The following MDGA2 variants were observed in gnomAD, a reference collection of about 807,000 sequenced individuals.
MDGA2 encodes MAM domain containing glycosylphosphatidylinositol anchor 2.
A neutral mutation model predicts 117.8 loss-of-function variants in MDGA2; 40 were observed. The observed-to-expected ratio is 0.34, with a 90% CI of 0.26 to 0.44. MDGA2 has a LOEUF of 0.44. Ranked by LOEUF, MDGA2 falls within the 20% of genes least tolerant of loss-of-function variation. The probability of loss-of-function intolerance (pLI) is 1.00; values close to 1 mark genes in which losing one functional copy is unlikely to be tolerated. For missense variants in MDGA2, 1,123 were observed against 1,250.6 expected, an observed-to-expected ratio of 0.90 and a Z score of 1.54; for synonymous variants, 452 against 439.0, an observed-to-expected ratio of 1.03 and a Z score of -0.37.
intron 5 of MDGA2, among the ~76,000 whole-genome samples, chr14:47,104,470 T>C (rs1375554836): frequency 1.5e-5 from 2 of 132,506 alleles, no homozygotes; most frequent in African/African-American, 5.8e-5. Context: ...ACTGAGCACC[T>C]TGCGACCCCC....
At position 47,468,247 on chromosome 14, in the gene MDGA2, C is replaced by T. The variant is rs182867819; in HGVS notation, c.281-166697G>A. Among the ~76,000 whole-genome samples the T allele has an allele frequency of 3.9e-5, 6 of 152,112 alleles. No homozygotes were observed. The East Asian group carries it at 7.7e-4, about 20-fold the overall frequency. ...CCAGTTATCTAAGGTCCTGACTATCCGTAATCGTAAAAAATGTCTCAAAGA... is the reference window on the plus strand; with the variant it reads ...CCAGTTATCTAAGGTCCTGACTATCTGTAATCGTAAAAAATGTCTCAAAGA... On this transcript the variant is annotated intron_variant, in intron 1 of 16. Transcript: ENST00000399232.
intron 1 of MDGA2, chr14:47,626,666 C>T (rs12894750): frequency 0.41 from 62,255 of 152,376 alleles, 13,755 homozygotes; most frequent in Middle Eastern, 0.53. Flanking sequence ...CGGCCAGCCC[C>T]GTCGGCCCGG....
chr14:47,219,029 T>C lies in MDGA2; in HGVS notation c.421-834A>G, dbSNP rs147224001. ...GAATAAAAGCCACATACTCATACTGTAAAGTGATACAAAATAGAAAGTAAA... is the reference window on the plus strand; with the variant it reads ...GAATAAAAGCCACATACTCATACTGCAAAGTGATACAAAATAGAAAGTAAA... On this transcript the variant is annotated intron_variant, in intron 2 of 16. Transcript: ENST00000399232. 3.6e-3 allele frequency among the ~76,000 whole-genome samples: 555 copies of C among 152,182 alleles called. 2 individuals are homozygous for C. The highest frequency in any genetic ancestry group is 0.013 in the African/African-American group (534 of 41,566).
intron 1 of MDGA2, among the ~76,000 whole-genome samples, chr14:47,382,490 A>C (rs1208997865): frequency 6.6e-6 from 1 of 152,218 alleles, no homozygotes; most frequent in African/African-American, 2.4e-5. Flanking sequence ...TCTACAAATG[A>C]CTTAAACAAA....
rs565975002 is a variant in MDGA2 at position 47,029,338 on chromosome 14, A to G, written c.1819+5673T>C. Among the ~76,000 whole-genome samples the G allele has an allele frequency of 4.6e-5, 7 of 152,310 alleles. No homozygotes were observed. In the East Asian group the frequency reaches 1.2e-3, roughly 25 times the overall value. On this transcript the variant is annotated intron_variant, in intron 8 of 16. Transcript: ENST00000399232. ...ACAGGTGAGGAACATGGGTTTATCA[A>G]TAGCCCTGATTATTTTCTTTCATAA...
intron 16 of MDGA2, among the ~76,000 whole-genome samples, chr14:46,842,755 G>A (rs1009935493): frequency 4.6e-5 from 7 of 152,226 alleles, no homozygotes; most frequent in Non-Finnish European, 7.4e-5. Context: ...TTGTATCTAG[G>A]GGAGAATTGA....
intron 1 of MDGA2, among the ~76,000 whole-genome samples, chr14:47,312,343 T>C (rs531283351): frequency 6.6e-6 from 1 of 152,226 alleles, no homozygotes; most frequent in African/African-American, 2.4e-5. Context: ...GGGCTGAGCC[T>C]CACACTCTGG....
At chr14:47,183,487 A>T (rs562558991) in intron 3 of MDGA2, among the ~76,000 whole-genome samples, 162 of 152,260 alleles carry the variant, frequency 1.1e-3, no homozygotes, top group South Asian at 4.1e-3. Flanking sequence ...AAGATGGTTC[A>T]TGATCTGCCA....
At chr14:46,882,369 TAAAC>T in intron 10 of MDGA2, 148 bp from the exon 11 acceptor site, 2 of 644,716 alleles carry the variant, frequency 3.1e-6, no homozygotes, top group Non-Finnish European at 4.9e-6. Context: ...TCTATAATGA[TAAAC>T]AAATTTTGAG....
chr14:47,058,018 A>G (rs1889748021), intron 7 of MDGA2, among the ~76,000 whole-genome samples: 1 of 152,144 alleles, frequency 6.6e-6, no homozygotes, highest in Admixed American at 6.6e-5. Flanking sequence ...TTCAATTTTA[A>G]AAGTCATCAA....
intron 8 of MDGA2, among the ~76,000 whole-genome samples, chr14:46,996,047 G>A (rs1887279114): frequency 6.6e-6 from 1 of 152,042 alleles, no homozygotes; most frequent in Non-Finnish European, 1.5e-5. Flanking sequence ...GGTCATAAAA[G>A]GAGGAAAATG....
chr14:46,986,050 TG>T (rs1330785859), intron 8 of MDGA2, among the ~76,000 whole-genome samples: 4 of 152,130 alleles, frequency 2.6e-5, no homozygotes, highest in Non-Finnish European at 1.5e-5. Context: ...AAAGTGCCAT[TG>T]TAGTTTGTTA....
chr14:47,115,982 C>T (rs549681790), intron 5 of MDGA2, among the ~76,000 whole-genome samples: 48 of 152,024 alleles, frequency 3.2e-4, no homozygotes, highest in African/African-American at 9.9e-4. Context: ...TGAAAAGGAA[C>T]GAGTGAAACT....
intron 8 of MDGA2, among the ~76,000 whole-genome samples, chr14:47,012,591 T>C (rs1887932219): frequency 6.6e-6 from 1 of 152,272 alleles, no homozygotes; most frequent in South Asian, 2.1e-4. Flanking sequence ...TTAAACCAAA[T>C]AGTGCATATA....
chr14:47,296,956 A>T (rs1359141707), intron 2 of MDGA2, among the ~76,000 whole-genome samples: 1 of 152,200 alleles, frequency 6.6e-6, no homozygotes, highest in Non-Finnish European at 1.5e-5. Context: ...TTTAGTGGAC[A>T]TCAGATTCAC....
chr14:47,196,011 T>C (rs1885276583), intron 3 of MDGA2, among the ~76,000 whole-genome samples: 1 of 152,060 alleles, frequency 6.6e-6, no homozygotes, highest in Non-Finnish European at 1.5e-5. Flanking sequence ...TACATATATA[T>C]ATATCACTAG....
intron 15 of MDGA2, among the ~76,000 whole-genome samples, chr14:46,847,506 AC>A (rs969912532): frequency 1.4e-4 from 21 of 152,122 alleles, no homozygotes; most frequent in Admixed American, 1.2e-3. Flanking sequence ...GGAAATGATG[AC>A]TTCCATTTGA....
chr14:47,204,392 A>G (rs1885611849), intron 3 of MDGA2, among the ~76,000 whole-genome samples: 1 of 152,006 alleles, frequency 6.6e-6, no homozygotes, highest in South Asian at 2.1e-4. Flanking sequence ...CACAAATTCA[A>G]TGGGAAAGGA....
chr14:46,929,589 G>A (rs1309308782), intron 9 of MDGA2, among the ~76,000 whole-genome samples: 8 of 12,912 alleles, frequency 6.2e-4, no homozygotes, highest in African/African-American at 1.7e-3. Flanking sequence ...ACGTGTGTGT[G>A]TGTGTGTGTG....
Sources: allele counts gnomAD v4.1 joint callset (sites outside exome capture counted in the v4.1 genomes callset), GRCh38; gene constraint gnomAD v4.1.1; transcripts MANE v1.5; gene names NCBI Gene and HGNC (gene_info 2026-07-23, HGNC 2026-07-21).